The following KIAA1217 variants were observed in gnomAD, a reference collection of about 807,000 sequenced individuals.
KIAA1217 encodes the protein KIAA1217, also known as sickle tail protein homolog.
In KIAA1217, 88 loss-of-function variants were observed where a neutral mutation model predicts 163.9. That is an observed-to-expected ratio of 0.54 (90% confidence interval 0.45 to 0.64). The LOEUF is 0.64. Ranked by LOEUF, KIAA1217 falls within the 30% of genes least tolerant of loss-of-function variation. KIAA1217 has a pLI of 0.00. For missense variants in KIAA1217, 2,372 were observed against 2,475.0 expected, an observed-to-expected ratio of 0.96 and a Z score of 0.88; for synonymous variants, 903 against 923.1, an observed-to-expected ratio of 0.98 and a Z score of 0.39.
At chr10:24,179,985 T>C (rs932113396) in intron 2 of KIAA1217, among the ~76,000 whole-genome samples, 5 of 152,212 alleles carry the variant, frequency 3.3e-5, no homozygotes, top group Non-Finnish European at 7.3e-5. Context: ...TAGTGGAAGA[T>C]GTGGATTATT....
chr10:23,784,109 G>C (rs1278038861), intron 1 of KIAA1217, among the ~76,000 whole-genome samples: 1 of 151,860 alleles, frequency 6.6e-6, no homozygotes, highest in East Asian at 1.9e-4. Context: ...ATATTTAGGT[G>C]CTCTGGGGTT....
chr10:24,351,752 T>C (rs1048648277), intron 2 of KIAA1217, among the ~76,000 whole-genome samples: 5 of 152,202 alleles, frequency 3.3e-5, no homozygotes, highest in Admixed American at 1.3e-4. Context: ...GTTGGATCTC[T>C]CCGAGCCATG....
At chr10:24,204,880 C>G (rs2067460977), upstream of KIAA1217, among the ~76,000 whole-genome samples, 1 of 152,190 alleles carries the variant, frequency 6.6e-6, no homozygotes, top group Admixed American at 6.5e-5. Context: ...CTTTTAGAAA[C>G]AGTTAATGTG....
intron 1 of KIAA1217, among the ~76,000 whole-genome samples, chr10:23,912,479 C>G (rs753067661): frequency 1.3e-5 from 2 of 152,014 alleles, no homozygotes; most frequent in Non-Finnish European, 2.9e-5. Context: ...CAACCCTCAC[C>G]CCTCTCCTAC....
intron 2 of KIAA1217, among the ~76,000 whole-genome samples, chr10:24,256,046 C>CAAAAAAAAA (rs11358712): frequency 1.3e-5 from 1 of 79,102 alleles, no homozygotes; most frequent in Non-Finnish European, 2.3e-5. Context: ...CTCAGATGAC[C>CAAAAAAAAA]AAAAAAAAAA....
chr10:24,138,248 G>C (rs992301841), intron 2 of KIAA1217, among the ~76,000 whole-genome samples: 10 of 152,148 alleles, frequency 6.6e-5, no homozygotes, highest in African/African-American at 2.4e-4. Flanking sequence ...CGAACTGCCA[G>C]GCTCAAGCGA....
intron 1 of KIAA1217, among the ~76,000 whole-genome samples, chr10:23,903,615 C>T (rs1367468598): frequency 6.6e-6 from 1 of 152,052 alleles, no homozygotes; most frequent in African/African-American, 2.4e-5. Flanking sequence ...TATCTGTATC[C>T]TCATTCCTTT....
intron 1 of KIAA1217, among the ~76,000 whole-genome samples, chr10:23,995,450 C>CTGTGTGTGTGTG (rs58865993): frequency 4.7e-5 from 7 of 147,722 alleles, no homozygotes; most frequent in African/African-American, 1.8e-4. Flanking sequence ...CAATTATGGC[C>CTGTGTGTGTGTG]TGTGTGTGTG....
chr10:23,857,680 A>G (rs1413848249), intron 1 of KIAA1217, among the ~76,000 whole-genome samples: 1 of 152,154 alleles, frequency 6.6e-6, no homozygotes, highest in Non-Finnish European at 1.5e-5. Flanking sequence ...AGGAAACCAC[A>G]TTGCCTCTAA....
intron 2 of KIAA1217, among the ~76,000 whole-genome samples, chr10:24,121,308 T>G (rs1450312053): frequency 6.6e-6 from 1 of 152,212 alleles, no homozygotes; most frequent in Non-Finnish European, 1.5e-5. Flanking sequence ...TGATTTCAGT[T>G]GTCTCTCCTC....
In KIAA1217 at chr10:24,335,149, C is replaced by A. The variant is rs899455982; in HGVS notation, c.355-45720C>A. On this transcript the variant is annotated intron_variant, in intron 2 of 20. Transcript: ENST00000376454. ...CATTACGCTATGGGAAAAAAGCCAG[C>A]CAGAGGACCACCTGTTACATGATTC... is the stretch of plus-strand genomic sequence containing the variant. Among the ~76,000 whole-genome samples, 64 of 152,128 alleles carry A rather than the reference C, an allele frequency of 4.2e-4. 1 individual carries two copies. Among genetic ancestry groups the A allele is most frequent in the African/African-American group, 1.5e-3 (63 of 41,426 alleles).
At chr10:24,111,763 A>T (rs2131744940) in intron 2 of KIAA1217, among the ~76,000 whole-genome samples, 1 of 151,948 alleles carries the variant, frequency 6.6e-6, no homozygotes, top group East Asian at 1.9e-4. Flanking sequence ...TAGATGGCTT[A>T]GTTTTTTTGA....
At chr10:23,792,764 A>T (rs1162084590) in intron 1 of KIAA1217, among the ~76,000 whole-genome samples, 2 of 151,738 alleles carry the variant, frequency 1.3e-5, no homozygotes, top group Non-Finnish European at 2.9e-5. Context: ...GGCCTCCCAA[A>T]GTACTGGGAT....
intron 2 of KIAA1217, among the ~76,000 whole-genome samples, chr10:24,366,274 A>G (rs1020169312): frequency 1.3e-5 from 2 of 152,002 alleles, no homozygotes; most frequent in African/African-American, 4.8e-5. Context: ...GTTAAACCCC[A>G]TCTCTACTAA....
At chr10:23,769,134 G>A (rs1234980000) in intron 1 of KIAA1217, among the ~76,000 whole-genome samples, 1 of 152,194 alleles carries the variant, frequency 6.6e-6, no homozygotes, top group Non-Finnish European at 1.5e-5. Flanking sequence ...TGAGCATTCT[G>A]GGATTAGCAT....
chr10:24,065,822 G>T (rs1424036893), intron 2 of KIAA1217, among the ~76,000 whole-genome samples: 2 of 152,124 alleles, frequency 1.3e-5, no homozygotes, highest in Non-Finnish European at 2.9e-5. Flanking sequence ...GAATCTGAGT[G>T]CTCCTGTATT....
chr10:24,452,517 C>CAAA (rs879925996), intron 5 of KIAA1217, among the ~76,000 whole-genome samples: 35 of 123,608 alleles, frequency 2.8e-4, no homozygotes, highest in African/African-American at 8.4e-4. Flanking sequence ...ACTTAAAATA[C>CAAA]AAAAAAAAAA....
At chr10:23,745,101 A>T (rs1839325165) in intron 1 of KIAA1217, among the ~76,000 whole-genome samples, 1 of 152,212 alleles carries the variant, frequency 6.6e-6, no homozygotes, top group African/African-American at 2.4e-5. Flanking sequence ...TAACCATCAC[A>T]GCCTCCAAAG....
At chr10:24,058,904 C>T (rs564324073) in intron 2 of KIAA1217, among the ~76,000 whole-genome samples, 2 of 152,160 alleles carry the variant, frequency 1.3e-5, no homozygotes, top group Non-Finnish European at 2.9e-5. Context: ...CTGGCTAGAA[C>T]TTCCATTACT....
Sources: allele counts gnomAD v4.1 joint callset (sites outside exome capture counted in the v4.1 genomes callset), GRCh38; gene constraint gnomAD v4.1.1; transcripts MANE v1.5; gene names NCBI Gene and HGNC (gene_info 2026-07-23, HGNC 2026-07-21).